REXO2: variants seen among roughly 807,000 people sequenced by gnomAD.
The protein encoded by REXO2 is oligoribonuclease, mitochondrial.
A neutral mutation model predicts 30.9 loss-of-function variants in REXO2; 17 were observed. That is an observed-to-expected ratio of 0.55 (90% confidence interval 0.38 to 0.82). The LOEUF (loss-of-function observed/expected upper bound fraction) is 0.82. REXO2 is among the 40% of genes least tolerant of loss of function. REXO2 has a pLI of 0.00. For missense variants in REXO2, 253 were observed against 293.2 expected, an observed-to-expected ratio of 0.86 and a Z score of 1.00; for synonymous variants, 105 against 99.6, an observed-to-expected ratio of 1.05 and a Z score of -0.32.
intron 2 of REXO2, among the ~76,000 whole-genome samples, chr11:114,442,159 TAA>T (rs56827315): frequency 0.064 from 8,669 of 134,618 alleles, 326 homozygotes; most frequent in Middle Eastern, 0.12. Context: ...ATAAAGATGT[TAA>T]AAAAAAAAAA....
chr11:114,439,920 T>G, intron 1 of REXO2: 1 of 568,184 alleles, frequency 1.8e-6, no homozygotes. Flanking sequence ...TTCTCCTCCC[T>G]ACCCCTCCGC....
At position 114,446,003 on chromosome 11, in the gene REXO2, A is replaced by T. The variant is rs1441324119; in HGVS notation, c.446A>T (p.Lys149Met). 1.9e-6 allele frequency: 3 copies of T among 1,603,866 alleles called. No individual in the cohort carries two copies. Among genetic ancestry groups the T allele is most frequent in the Non-Finnish European group, 2.6e-6 (3 of 1,171,338 alleles). The part of the protein sequence containing the change: ...LAGNSVHEDK[K>M]FLDKYMPQFM... ...GGAAATTCAGTTCATGAAGATAAGA[A>T]GTTTCTTGACAAATACATGCCCCAG... Residue 149 changes from lysine to methionine, a missense_variant, in exon 5 of 7, where the codon AAG becomes ATG. Coordinates refer to ENST00000265881, the MANE Select transcript of REXO2 (RefSeq NM_015523.4).
chr11:114,441,672 C>A (rs1946479010), intron 2 of REXO2: 15 of 698,968 alleles, frequency 2.1e-5, no homozygotes, highest in South Asian at 2.1e-4. Context: ...TAGAGGGTAG[C>A]ATTGATATGT....
At chr11:114,449,307 T>C (rs1010538570) in intron 6 of REXO2, 14 of 152,390 alleles carry the variant, frequency 9.2e-5, no homozygotes, top group African/African-American at 3.4e-4. Flanking sequence ...TGTCAGTCTG[T>C]TTTGTTGAGG....
In REXO2 at chr11:114,441,636, A is replaced by C. The variant is rs574999679; in HGVS notation, c.231+897A>C. 62 of 667,632 alleles carry C rather than the reference A, an allele frequency of 9.3e-5. No homozygotes were observed. The South Asian group carries it at 9.8e-4, about 11-fold the overall frequency. The allele number at this position is 667,632 out of a possible 1,614,324, so 41.4% of individuals were successfully genotyped here. On this transcript the variant is annotated intron_variant, in intron 2 of 6. Transcript: ENST00000265881. ...GAACAAAGTAGGGATGTTTGTGGAA[A>C]AGAGAGTCTTGTTAAAATAAGTTCC...
intron 2 of REXO2, chr11:114,441,670 A>C: frequency 1.4e-6 from 1 of 699,088 alleles, no homozygotes; most frequent in East Asian, 2.7e-5. Flanking sequence ...CCTAGAGGGT[A>C]GCATTGATAT....
intron 5 of REXO2, among the ~76,000 whole-genome samples, chr11:114,446,660 C>A: frequency 6.6e-6 from 1 of 152,112 alleles, no homozygotes; most frequent in African/African-American, 2.4e-5. Flanking sequence ...AGAGAGCAGA[C>A]AGAAGTATAA....
In REXO2 at chr11:114,439,491, G is replaced by A. The variant is rs765821277; in HGVS notation, c.-38G>A. ...CGACTATTGCGCCTGCGCCAGCGCC[G>A]GCTGCGAGACTGGGGCCGTGGCTGC... is the stretch of plus-strand genomic sequence containing the variant. On this transcript the variant is annotated 5_prime_UTR_variant, in exon 1 of 7. Transcript: ENST00000265881. 1 of 1,596,730 alleles carries A rather than the reference G, an allele frequency of 6.3e-7. No individual in the cohort carries two copies. The highest frequency in any genetic ancestry group is 8.5e-7 in the Non-Finnish European group (1 of 1,177,510).
intron 6 of REXO2, among the ~76,000 whole-genome samples, chr11:114,448,754 C>G (rs1415746642): frequency 6.6e-6 from 1 of 152,206 alleles, no homozygotes; most frequent in African/African-American, 2.4e-5. Flanking sequence ...TATATTCACA[C>G]CAAATGGCAT....
intron 2 of REXO2, among the ~76,000 whole-genome samples, chr11:114,443,275 T>G (rs1003421495): frequency 2.4e-5 from 3 of 124,200 alleles, no homozygotes; most frequent in Admixed American, 2.3e-4. Flanking sequence ...CCCACCTAAT[T>G]TTTTTTTTTT....
intron 3 of REXO2, 136 bp downstream of exon 3, chr11:114,444,069 C>T (rs1431691347): frequency 1.4e-6 from 1 of 718,112 alleles, no homozygotes; most frequent in African/African-American, 1.7e-5. Flanking sequence ...GCCTGGGAAA[C>T]TGCTTGCTTG....
In REXO2 at chr11:114,450,014, G is replaced by A; in HGVS notation, c.*39G>A. 6.5e-7 allele frequency: 1 copy of A among 1,547,066 alleles called. No homozygotes were observed. The highest frequency in any genetic ancestry group is 8.7e-7 in the Non-Finnish European group (1 of 1,150,420). ...GCTGCCACTACATCGTTATCTGGAGGCAACTTCTGGTGGTTTTTTTTTCTC... is the reference window on the plus strand; with the variant it reads ...GCTGCCACTACATCGTTATCTGGAGACAACTTCTGGTGGTTTTTTTTTCTC... On this transcript the variant is annotated 3_prime_UTR_variant, in exon 7 of 7. Coordinates refer to ENST00000265881, the MANE Select transcript of REXO2 (RefSeq NM_015523.4).
intron 6 of REXO2, 63 bp downstream of exon 6, chr11:114,447,942 C>T: frequency 7.9e-7 from 1 of 1,273,690 alleles, no homozygotes; most frequent in Non-Finnish European, 1.1e-6. Context: ...AAATTCCTGA[C>T]TGCTTGAAAT....
In REXO2 at chr11:114,447,284, A is replaced by G. The variant is rs573964595; in HGVS notation, c.531-542A>G. On this transcript the variant is annotated intron_variant, in intron 5 of 6. Coordinates refer to ENST00000265881, the MANE Select transcript of REXO2 (RefSeq NM_015523.4). The stretch of plus-strand genomic sequence containing the variant: ...GAATGAACTGGAGAAAGGGCAGGGC[A>G]TGGAAATGAGGGGCTTGTATGATAA... Among the ~76,000 whole-genome samples the G allele has an allele frequency of 5.3e-5, 8 of 152,340 alleles. No individual in the cohort carries two copies. The South Asian group carries it at 6.2e-4, about 12-fold the overall frequency.
Position 114,439,555 on chromosome 11 carries a change from G to T in REXO2, c.27G>T (p.Arg9Ser). Residue 9 changes from arginine (R) to serine (S), a missense_variant, in exon 1 of 7, where the codon AGG becomes AGT. Arg to Ser is a moderately radical substitution (Grantham distance 110). Transcript: ENST00000265881. ...TGCTAGGCGGCTCCCTGGGCTCCAG[G>T]CTGTTGCGGGGTGTAGGTGGGAGTC... MLGGSLGS[R>S]LLRGVGGSHG... is the part of the protein sequence containing the mutation. 1 of 1,608,902 alleles carries T rather than the reference G, an allele frequency of 6.2e-7. No individual in the cohort carries two copies.
chr11:114,439,800 G>T, intron 1 of REXO2, 125 bp downstream of exon 1: 2 of 1,201,108 alleles, frequency 1.7e-6, no homozygotes, highest in Non-Finnish European at 2.2e-6. Context: ...GAGCGCGGCC[G>T]GCCACGGGCG....
chr11:114,443,325 C>T (rs11214993), intron 2 of REXO2, among the ~76,000 whole-genome samples: 37,457 of 149,256 alleles, frequency 0.25, 4,837 homozygotes, highest in East Asian at 0.41. Context: ...GCTATGTTGC[C>T]TGGACTGGTC....
chr11:114,449,844 A>G lies in REXO2; in HGVS notation c.585-2A>G, dbSNP rs1170119611. 8.1e-6 allele frequency: 13 copies of G among 1,607,176 alleles called. No individual in the cohort carries two copies. The highest frequency in any genetic ancestry group is 1.1e-5 in the Non-Finnish European group (13 of 1,176,928). ...CATTCATTGTGGTATGTTTGCTTAT[A>G]GGGCACTTGATGACATTAGTGAAAG... On this transcript the variant is annotated splice_acceptor_variant, in intron 6 of 6. Coordinates refer to ENST00000265881, the MANE Select transcript of REXO2 (RefSeq NM_015523.4). LOFTEE classifies it high-confidence loss of function.
At chr11:114,444,345 A>G in intron 3 of REXO2, 196 bp from the exon 4 acceptor site, 1 of 636,752 alleles carries the variant, frequency 1.6e-6, no homozygotes, top group Non-Finnish European at 2.8e-6. Context: ...AGTCAGGATC[A>G]TAACTAAGTT....
Sources: gnomAD v4.1 joint callset for allele counts (sites outside exome capture counted in the v4.1 genomes callset) on GRCh38, gnomAD v4.1.1 for gene constraint, MANE v1.5 for transcripts, NCBI Gene and HGNC (gene_info 2026-07-23, HGNC 2026-07-21) for gene names.